MYH3: variants seen among roughly 807,000 people sequenced by gnomAD.
MYH3 encodes the protein myosin-3.
MYH3 carries 130 observed loss-of-function variants against 238.0 expected under a neutral mutation model. The ratio of observed to expected loss-of-function variants is 0.55; its 90% CI spans 0.47 to 0.63. MYH3 has a LOEUF of 0.63. Ranked by LOEUF, MYH3 falls within the 30% of genes least tolerant of loss-of-function variation. The pLI is 0.00. For missense variants in MYH3, 1,853 were observed against 2,374.9 expected, an observed-to-expected ratio of 0.78 and a Z score of 4.57; for synonymous variants, 880 against 924.1, an observed-to-expected ratio of 0.95 and a Z score of 0.86.
At chr17:10,649,873 G>A (rs868400606) in intron 6 of MYH3, among the ~76,000 whole-genome samples, 188 bp from the exon 7 acceptor site, 22 of 152,222 alleles carry the variant, frequency 1.4e-4, no homozygotes, top group African/African-American at 4.3e-4. Flanking sequence ...TTGCTCAGCT[G>A]ACCCAAGGAT....
intron 14 of MYH3, 143 bp downstream of exon 14, chr17:10,644,208 C>T (rs1335787849): frequency 1.4e-5 from 12 of 852,394 alleles, no homozygotes; most frequent in Middle Eastern, 3.5e-4. Flanking sequence ...CAATAAGTAC[C>T]GCTCCTCTAT....
chr17:10,666,614 G>A, the MYH3 span, among the ~76,000 whole-genome samples: 1 of 151,090 alleles, frequency 6.6e-6, no homozygotes, highest in Non-Finnish European at 1.5e-5. Flanking sequence ...AAACTAGCCA[G>A]GCATGGTGGT....
Position 10,649,529 on chromosome 17 carries a change from C to T in MYH3, c.642+48G>A, listed in dbSNP as rs920790306. On this transcript the variant is annotated intron_variant, in intron 7 of 40. Transcript: ENST00000583535. ...TGGCCCCCTCATTCTGAGGTTAAGA[C>T]CACAGTTAAAAGTGGAAGCAAAGCA... is the stretch of plus-strand genomic sequence containing the variant. 2.1e-6 allele frequency: 3 copies of T among 1,463,316 alleles called. No homozygotes were observed. In the African/African-American group the frequency reaches 4.2e-5, roughly 20 times the overall value. 90.6% of individuals were successfully genotyped at this position (1,463,316 alleles called of 1,614,324 possible). A position where few individuals can be genotyped will look rare whatever the true frequency, so the allele number is the denominator to read the frequency against.
the MYH3 span, chr17:10,674,985 C>G: frequency 2.0e-5 from 3 of 152,350 alleles, no homozygotes; most frequent in Admixed American, 6.5e-5. Flanking sequence ...CAGCAGCCAA[C>G]AAGGAATGTG....
At position 10,644,514 on chromosome 17, in the gene MYH3, G is replaced by A; in HGVS notation, c.1261-14C>T. ...AGCATGGTGAACCTATCAGGGGAAA[G>A]ATCAGCTACTGGATATGAAGGAAGT... is the stretch of plus-strand genomic sequence containing the variant. On this transcript the variant is annotated splice_polypyrimidine_tract_variant and intron_variant, in intron 13 of 40. Coordinates refer to ENST00000583535, the MANE Select transcript of MYH3 (RefSeq NM_002470.4). 6.2e-7 allele frequency: 1 copy of A among 1,614,156 alleles called. No individual in the cohort carries two copies. Among genetic ancestry groups the A allele is most frequent in the Non-Finnish European group, 8.5e-7 (1 of 1,179,966 alleles).
chr17:10,635,111 T>C (rs2142389117), intron 30 of MYH3, 88 bp from the exon 31 acceptor site: 3 of 1,432,986 alleles, frequency 2.1e-6, no homozygotes, highest in South Asian at 2.3e-5. Flanking sequence ...CACTAATCTA[T>C]GTGATTCAGA....
chr17:10,640,876 C>A (rs1178325587), intron 19 of MYH3, among the ~76,000 whole-genome samples, 190 bp from the exon 20 acceptor site: 1 of 152,196 alleles, frequency 6.6e-6, no homozygotes, highest in Non-Finnish European at 1.5e-5. Flanking sequence ...CAGAGCTTTT[C>A]CTGCCATTTT....
In MYH3 at chr17:10,652,741, C is replaced by G. The variant is rs956574619; in HGVS notation, c.205-178G>C. On this transcript the variant is annotated intron_variant, in intron 3 of 40. Transcript: ENST00000583535. ...GGTTCACACCATTCTTCTGCCTCAG[C>G]CTCCCAAGTAGCTGGGATTACAGGC... Among the ~76,000 whole-genome samples the G allele has an allele frequency of 2.6e-5, 4 of 151,590 alleles. No homozygotes were observed. The East Asian group carries it at 7.8e-4, about 30-fold the overall frequency.
chr17:10,675,422 A>T, the MYH3 span: 1 of 152,226 alleles, frequency 6.6e-6, no homozygotes, highest in African/African-American at 2.4e-5. Context: ...GCTTTCTTTC[A>T]AGACTGCCTT....
rs370795501 is a variant in MYH3 at position 10,640,375 on chromosome 17, C to A, written c.2384G>T (p.Gly795Val). ...LITRTQAVCR[G>V]FLMRVEFQKM... ...CTGGAATTCCACACGCATGAGGAACCCTCTGCACACAGCTTGTGTCCGGGT... is the reference window on the plus strand; with the variant it reads ...CTGGAATTCCACACGCATGAGGAACACTCTGCACACAGCTTGTGTCCGGGT... The change falls in exon 21 of 41, where the codon GGG becomes GTG. Residue 795 changes from glycine (G) to valine (V), a missense_variant. This residue lies in a region of MYH3 where 678 missense variants were observed against 1,058.9 expected (regional missense o/e 0.64). Transcript: ENST00000583535. 6.2e-7 allele frequency: 1 copy of A among 1,614,220 alleles called. No homozygotes were observed.
rs755444923 is a variant in MYH3, at chr17:10,640,155, G to C, written c.2523C>G (p.Leu841=). 2 of 1,614,156 alleles carry C rather than the reference G, an allele frequency of 1.2e-6. No homozygotes were observed. Among genetic ancestry groups the C allele is most frequent in the Admixed American group, 3.3e-5 (2 of 60,028 alleles). ...MKLFFKIKPL[L]KSAETEKEMA... ...TCTCTTTCTCAGTCTCTGCACTCTTGAGGAGGGGCTTGATCTTGAAGAAGA... is the reference window on the plus strand; with the variant it reads ...TCTCTTTCTCAGTCTCTGCACTCTTCAGGAGGGGCTTGATCTTGAAGAAGA... Residue 841 remains leucine (L), a synonymous_variant, in exon 22 of 41, where the codon CTC becomes CTG. Coordinates refer to ENST00000583535, the MANE Select transcript of MYH3 (RefSeq NM_002470.4).
chr17:10,654,189 CCTT>C lies in MYH3; in HGVS notation c.204+669_204+671del, dbSNP rs1055279782. Reference sequence around the variant, plus strand: ...TCCTTCCTTCCTTGCTTTCTTTCTTCCTTCTTTCTTTCCTTCCTTCCTTCCCTC... The same window carrying C: ...TCCTTCCTTCCTTGCTTTCTTTCTTCCTTTCTTTCCTTCCTTCCTTCCCTC... On this transcript the variant is annotated intron_variant, in intron 3 of 40. Coordinates refer to ENST00000583535, the MANE Select transcript of MYH3 (RefSeq NM_002470.4). This position sits in a 1 kb window ranked among gnomAD's most constrained non-coding sequence, Gnocchi z 4.5. 6.0e-5 allele frequency among the ~76,000 whole-genome samples: 9 copies of C among 150,670 alleles called. No individual in the cohort carries two copies. Among genetic ancestry groups the C allele is most frequent in the African/African-American group, 9.8e-5 (4 of 40,934 alleles).
chr17:10,663,830 A>G, the MYH3 span, among the ~76,000 whole-genome samples: 1 of 152,176 alleles, frequency 6.6e-6, no homozygotes, highest in East Asian at 1.9e-4. Flanking sequence ...TGGGAGGCCG[A>G]GACAGGTGGA....
At position 10,640,598 on chromosome 17, in the gene MYH3, T is replaced by C. The variant is rs1326347128; in HGVS notation, c.2254A>G (p.Ile752Val). Reference sequence around the variant, plus strand: ...CCAAATTTGTACTGAGTGTGGTCAATATCAATGGATGCCAGAAGCTTTTCA... The same window carrying C: ...CCAAATTTGTACTGAGTGTGGTCAACATCAATGGATGCCAGAAGCTTTTCA... ...ACEKLLASID[I>V]DHTQYKFGHT... Residue 752 changes from isoleucine (I) to valine (V), a missense_variant, in exon 20 of 41, where the codon ATT (isoleucine) becomes GTT (valine). Ile to Val is a conservative substitution (Grantham distance 29). Coordinates refer to ENST00000583535, the MANE Select transcript of MYH3 (RefSeq NM_002470.4). The C allele has an allele frequency of 2.5e-6, 4 of 1,614,138 alleles. No homozygotes were observed. Among genetic ancestry groups the C allele is most frequent in the South Asian group, 1.1e-5 (1 of 91,092 alleles).
In MYH3 at chr17:10,640,327, C is replaced by T. The variant is rs1289435275; in HGVS notation, c.2426+6G>A. On this transcript the variant is annotated splice_donor_region_variant and intron_variant, in intron 21 of 40. Transcript: ENST00000583535. ...AGCTCATGTCTGAACAAAGACCCTG[C>T]TGGACCTCCTCTGCACCATCTTCTG... The T allele has an allele frequency of 7.4e-6, 12 of 1,614,218 alleles. No individual in the cohort carries two copies. The highest frequency in any genetic ancestry group is 5.5e-5 in the South Asian group (5 of 91,080).
intron 8 of MYH3, 45 bp downstream of exon 8, chr17:10,648,512 T>A: frequency 6.5e-7 from 1 of 1,528,722 alleles, no homozygotes; most frequent in Non-Finnish European, 9.1e-7. Context: ...TTGCCTATTT[T>A]GTGAGGCACA....
chr17:10,650,120 C>T (rs760927591), intron 6 of MYH3, among the ~76,000 whole-genome samples: 11 of 151,948 alleles, frequency 7.2e-5, no homozygotes, highest in South Asian at 2.1e-4. Flanking sequence ...TACAGGTGCC[C>T]GCCACCACAC....
upstream of MYH3, among the ~76,000 whole-genome samples, chr17:10,658,378 C>G (rs567693689): frequency 2.0e-4 from 31 of 152,234 alleles, no homozygotes; most frequent in East Asian, 6.0e-3. Flanking sequence ...ACAGCAGTAC[C>G]AAGCCCCGAA....
At chr17:10,652,663 C>A (rs1392251760) in intron 3 of MYH3, 100 bp from the exon 4 acceptor site, 12 of 1,362,876 alleles carry the variant, frequency 8.8e-6, no homozygotes, top group Non-Finnish European at 1.1e-5. Context: ...GCTTTGTCGC[C>A]CAGGCTGGAG....
Sources: allele counts gnomAD v4.1 joint callset (sites outside exome capture counted in the v4.1 genomes callset), GRCh38; gene constraint gnomAD v4.1.1; regional missense constraint gnomAD v4.1.1; non-coding constraint Gnocchi (gnomAD v3.1); transcripts MANE v1.5; gene names NCBI Gene and HGNC (gene_info 2026-07-23, HGNC 2026-07-21).